Variants in EPB42 observed in about 807,000 individuals in gnomAD.
EPB42 encodes the protein erythrocyte membrane protein band 4.2.
A neutral mutation model predicts 76.9 loss-of-function variants in EPB42; 49 were observed. The observed-to-expected ratio is 0.64, with a 90% CI of 0.51 to 0.81. The LOEUF is 0.81. Among genes scored for constraint, EPB42 ranks in the 30% least tolerant of loss-of-function variants. EPB42 has a pLI of 0.00. For missense variants in EPB42, 731 were observed against 867.6 expected (o/e 0.84, Z 1.98); for synonymous variants, 310 against 338.4 (o/e 0.92, Z 0.92).
upstream of EPB42, among the ~76,000 whole-genome samples, chr15:43,221,698 A>C (rs1387183901): frequency 6.6e-6 from 1 of 152,064 alleles, no homozygotes; most frequent in African/African-American, 2.4e-5. Flanking sequence ...CACTGCCAAA[A>C]ATATTGGTTG....
In EPB42 at chr15:43,209,380, C is replaced by G. The variant is rs147142632; in HGVS notation, c.726G>C (p.Leu242=). ...TGGGCACGCTGCCCCGGCGCTTGTT[C>G]AGCAAGGCCCCTTCCTGGGTGGCCT... ...QTQATQEGAL[L]NKRRGSVPIL... is the part of the protein sequence containing the mutation. The change falls in exon 6 of 13, where the codon CTG becomes CTC. Residue 242 remains leucine (L), a synonymous_variant. Transcript: ENST00000441366. The G allele has an allele frequency of 5.0e-6, 8 of 1,613,992 alleles. No individual in the cohort carries two copies. In the African/African-American group the frequency reaches 1.1e-4, roughly 21 times the overall value.
chr15:43,222,014 G>T (rs1471562262), upstream of EPB42, among the ~76,000 whole-genome samples: 5 of 151,590 alleles, frequency 3.3e-5, no homozygotes, highest in Non-Finnish European at 4.4e-5. Flanking sequence ...GTGGTGGCAG[G>T]CGCCTGTACT....
chr15:43,207,766 T>C (rs1323248057), intron 8 of EPB42, among the ~76,000 whole-genome samples: 1 of 152,204 alleles, frequency 6.6e-6, no homozygotes, highest in Non-Finnish European at 1.5e-5. Flanking sequence ...AGGGCTACCT[T>C]TCTTGAGCAC....
intron 12 of EPB42, among the ~76,000 whole-genome samples, chr15:43,200,896 G>C (rs1160523179): frequency 6.6e-6 from 1 of 150,956 alleles, no homozygotes; most frequent in African/African-American, 2.4e-5. Flanking sequence ...CTCACTGCAA[G>C]CTCCGCCTCC....
At chr15:43,208,431 G>A in intron 7 of EPB42, 98 bp from the exon 8 acceptor site, 1 of 1,426,422 alleles carries the variant, frequency 7.0e-7, no homozygotes, top group East Asian at 2.3e-5. Flanking sequence ...GTTCCAGTGG[G>A]ATGGGAGGTC....
At chr15:43,205,488 C>T (rs1038306773) in intron 10 of EPB42, among the ~76,000 whole-genome samples, 1 of 152,200 alleles carries the variant, frequency 6.6e-6, no homozygotes, top group Non-Finnish European at 1.5e-5. Context: ...CAACCTCTGC[C>T]TCCTGGGTTC....
chr15:43,199,188 T>C (rs1271280421), intron 12 of EPB42, among the ~76,000 whole-genome samples: 1 of 152,150 alleles, frequency 6.6e-6, no homozygotes, highest in South Asian at 2.1e-4. Context: ...CCCAGAATGG[T>C]AGATCCACTG....
At chr15:43,200,083 G>A (rs2042104370) in intron 12 of EPB42, among the ~76,000 whole-genome samples, 1 of 152,184 alleles carries the variant, frequency 6.6e-6, no homozygotes, top group African/African-American at 2.4e-5. Context: ...ATGTAGCAGG[G>A]CTTATTGAGA....
In EPB42 at chr15:43,220,765, C is replaced by T. The variant is rs372928280; in HGVS notation, c.10+51G>A. ...CCTTTAATGAAAACAGGTGATGCTG[C>T]GGGGGCTGCATACAGTCCAGCAAGC... On this transcript the variant is annotated intron_variant, in intron 1 of 12. Transcript: ENST00000441366. The T allele has an allele frequency of 1.4e-5, 23 of 1,612,368 alleles. No individual in the cohort carries two copies. In the African/African-American group the frequency reaches 2.3e-4, roughly 16 times the overall value.
intron 12 of EPB42, among the ~76,000 whole-genome samples, chr15:43,201,300 A>G (rs1442069633): frequency 2.6e-5 from 4 of 152,230 alleles, no homozygotes; most frequent in Admixed American, 2.6e-4. Context: ...ATCTTAACAT[A>G]GTTCTGAGTG....
At position 43,220,938 on chromosome 15, in the gene EPB42, T is replaced by C; in HGVS notation, c.-113A>G. ...TTCCAGACAGAAAATATGAAGGCAC[T>C]TTTGTTGGCTTAAGAATCTGGAAAT... On this transcript the variant is annotated 5_prime_UTR_variant, in exon 1 of 13. Transcript: ENST00000441366. The C allele has an allele frequency of 2.1e-6, 2 of 946,476 alleles. No homozygotes were observed. Among genetic ancestry groups the C allele is most frequent in the Non-Finnish European group, 1.7e-6 (1 of 594,730 alleles). 58.6% of individuals were successfully genotyped at this position (946,476 alleles called of 1,614,324 possible). A position where few individuals can be genotyped will look rare whatever the true frequency, so the allele number is the denominator to read the frequency against.
Position 43,215,226 on chromosome 15 carries a change from T to C in EPB42, c.299A>G (p.Gln100Arg). Residue 100 changes from glutamine (Q) to arginine (R), a missense_variant, in exon 3 of 13, where the codon CAG becomes CGG. Physicochemically the swap from Gln to Arg is conservative, Grantham distance 43. Transcript: ENST00000441366. ...WSAVVEERDA[Q>R]SWTISVTTPA... ...TGTGGTCACAGAGATGGTCCAGGAC[T>C]GGGCATCTCTCTCCTCCACCACTGC... The C allele has an allele frequency of 6.2e-7, 1 of 1,614,196 alleles. No homozygotes were observed. Among genetic ancestry groups the C allele is most frequent in the Non-Finnish European group, 8.5e-7 (1 of 1,180,028 alleles).
chr15:43,206,470 A>T lies in EPB42; in HGVS notation c.1478T>A (p.Ile493Asn). The change falls in exon 10 of 13, where the codon ATC becomes AAC. Residue 493 changes from isoleucine (I) to asparagine (N), a missense_variant. Physicochemically the swap from Ile to Asn is moderately radical, Grantham distance 149 (BLOSUM62 -3). Coordinates refer to ENST00000441366, the MANE Select transcript of EPB42 (RefSeq NM_001114134.2). The surrounding 1 kb of genome is among the most constrained non-coding windows in gnomAD (Gnocchi z 4.7). ...ACTGTGATTAACCAGCGTCACTGAG[A>T]TCTGGGCATCCCCTCTCAGGGGTAG... is the stretch of plus-strand genomic sequence containing the variant. The part of the protein sequence containing the change: ...SSLPLRGDAQ[I>N]SVTLVNHSEQ... 1 of 1,614,188 alleles carries T rather than the reference A, an allele frequency of 6.2e-7. No individual in the cohort carries two copies. The highest frequency in any genetic ancestry group is 8.5e-7 in the Non-Finnish European group (1 of 1,180,030).
At chr15:43,208,358 C>G in intron 7 of EPB42, 25 bp from the exon 8 acceptor site, 1 of 1,610,510 alleles carries the variant, frequency 6.2e-7, no homozygotes, top group Non-Finnish European at 8.5e-7. Context: ...GAGAAAAATT[C>G]AAGTGGGAAA....
At chr15:43,219,063 G>C (rs977763381) in intron 1 of EPB42, among the ~76,000 whole-genome samples, 2 of 152,218 alleles carry the variant, frequency 1.3e-5, no homozygotes, top group Non-Finnish European at 2.9e-5. Flanking sequence ...GACTGGCTGG[G>C]GGGAGGGGGC....
In EPB42 at chr15:43,220,903, G is replaced by T. The variant is rs1413288883; in HGVS notation, c.-78C>A. On this transcript the variant is annotated 5_prime_UTR_variant, in exon 1 of 13. Coordinates refer to ENST00000441366, the MANE Select transcript of EPB42 (RefSeq NM_001114134.2). ...ACTGTTGCTTCTGGGCTCCTTCTGGGCTTTCTGTCTTCCAGACAGAAAATA... is the reference window on the plus strand; with the variant it reads ...ACTGTTGCTTCTGGGCTCCTTCTGGTCTTTCTGTCTTCCAGACAGAAAATA... 12 of 1,362,532 alleles carry T rather than the reference G, an allele frequency of 8.8e-6. No homozygotes were observed. The highest frequency in any genetic ancestry group is 1.1e-5 in the Non-Finnish European group (11 of 962,888). The allele number at this position is 1,362,532 out of a possible 1,614,324, so 84.4% of individuals were successfully genotyped here. A position where few individuals can be genotyped will look rare whatever the true frequency, so the allele number is the denominator to read the frequency against.
intron 1 of EPB42, among the ~76,000 whole-genome samples, chr15:43,220,041 T>A (rs1474160623): frequency 1.3e-5 from 2 of 152,008 alleles, no homozygotes; most frequent in Non-Finnish European, 2.9e-5. Context: ...TTCTTTTTCT[T>A]CCCTTCTCAG....
rs766005727 is a variant in EPB42, at chr15:43,201,870, C to T, written c.1887G>A (p.Gly629=). ...TGTAGCTCCTCTCTCTGTGAATGAG[C>T]CCCCTTCCCAGGATGGAGATCACAC... is the stretch of plus-strand genomic sequence containing the variant. ...EDCVISILGR[G]LIHRERSYRF... Residue 629 remains glycine (G), a synonymous_variant, in exon 12 of 13, where the codon GGG becomes GGA. Coordinates refer to ENST00000441366, the MANE Select transcript of EPB42 (RefSeq NM_001114134.2). 1.2e-6 allele frequency: 2 copies of T among 1,614,170 alleles called. No individual in the cohort carries two copies. Among genetic ancestry groups the T allele is most frequent in the South Asian group, 2.2e-5 (2 of 91,082 alleles).
chr15:43,218,150 C>T (rs570067676), intron 1 of EPB42, among the ~76,000 whole-genome samples: 162 of 152,222 alleles, frequency 1.1e-3, no homozygotes, highest in Middle Eastern at 6.8e-3. Context: ...AAACCAAAAA[C>T]GATTCCTCTT....
Sources: allele counts gnomAD v4.1 joint callset (sites outside exome capture counted in the v4.1 genomes callset), GRCh38; gene constraint gnomAD v4.1.1; non-coding constraint Gnocchi (gnomAD v3.1); transcripts MANE v1.5; gene names NCBI Gene and HGNC (gene_info 2026-07-23, HGNC 2026-07-21).